Variants in RCAN2 observed in about 807,000 individuals in gnomAD.
RCAN2 encodes the protein calcipressin-2.
RCAN2 carries 9 observed loss-of-function variants against 23.6 expected under a neutral mutation model. The ratio of observed to expected loss-of-function variants is 0.38; its 90% CI spans 0.23 to 0.67. The LOEUF is 0.67. Among genes scored for constraint, RCAN2 ranks in the 30% least tolerant of loss-of-function variants. The pLI is 0.51. For synonymous variants in RCAN2, 109 were observed against 115.7 expected (o/e 0.94, Z 0.37); for missense variants, 273 against 302.3 (o/e 0.90, Z 0.72).
chr6:46,283,808 A>G (rs1356450695), intron 2 of RCAN2, among the ~76,000 whole-genome samples: 2 of 152,242 alleles, frequency 1.3e-5, no homozygotes, highest in Non-Finnish European at 2.9e-5. Context: ...ATAAGTATGA[A>G]TATTACAAAC....
rs1767401095 is a variant in RCAN2 at position 46,437,247 on chromosome 6, TGCC to T, written c.225+19502_225+19504del. 3.3e-5 allele frequency among the ~76,000 whole-genome samples: 5 copies of T among 152,344 alleles called. No homozygotes were observed. The East Asian group carries it at 5.8e-4, about 18-fold the overall frequency. On this transcript the variant is annotated intron_variant, in intron 2 of 4. Transcript: ENST00000371374. Reference sequence around the variant, plus strand: ...GCTTGCTCAATCCTTTTTAATGCCCTGCCATCAAGTTCCAATACAGTTTACAGT... The same window carrying T: ...GCTTGCTCAATCCTTTTTAATGCCCTATCAAGTTCCAATACAGTTTACAGT...
chr6:46,287,089 G>A (rs1263366997), intron 2 of RCAN2, among the ~76,000 whole-genome samples: 1 of 152,164 alleles, frequency 6.6e-6, no homozygotes, highest in African/African-American at 2.4e-5. Flanking sequence ...GGAAGTGACT[G>A]GCAGAGCCTG....
intron 2 of RCAN2, among the ~76,000 whole-genome samples, chr6:46,357,362 A>G (rs1418261002): frequency 3.3e-5 from 5 of 152,252 alleles, no homozygotes. Context: ...ATGATTCAAA[A>G]AAAGAGTCAC....
At chr6:46,380,290 A>G (rs1765584880) in intron 2 of RCAN2, among the ~76,000 whole-genome samples, 1 of 152,202 alleles carries the variant, frequency 6.6e-6, no homozygotes, top group South Asian at 2.1e-4. Context: ...AAGACTATAA[A>G]TAGTCTCACC....
intron 1 of RCAN2, among the ~76,000 whole-genome samples, chr6:46,470,482 T>G (rs181744332): frequency 1.3e-5 from 2 of 152,164 alleles, no homozygotes; most frequent in Non-Finnish European, 2.9e-5. Flanking sequence ...ATGAGAAACA[T>G]TATATTAGGC....
At chr6:46,365,112 T>C (rs1330872887) in intron 2 of RCAN2, among the ~76,000 whole-genome samples, 2 of 152,182 alleles carry the variant, frequency 1.3e-5, no homozygotes, top group South Asian at 4.1e-4. Flanking sequence ...GTAATAATAA[T>C]ATAAAGTACA....
intron 1 of RCAN2, among the ~76,000 whole-genome samples, chr6:46,466,085 G>A (rs1768372228): frequency 6.6e-6 from 1 of 152,122 alleles, no homozygotes; most frequent in Admixed American, 6.5e-5. Context: ...CGCCCCACCT[G>A]GAGACAGAAG....
At chr6:46,225,900 AG>A (rs1402167797) in intron 4 of RCAN2, among the ~76,000 whole-genome samples, 1 of 152,160 alleles carries the variant, frequency 6.6e-6, no homozygotes, top group Non-Finnish European at 1.5e-5. Flanking sequence ...GTTTTCTTCT[AG>A]GGTTTTTATG....
chr6:46,491,550 C>T (rs1338760863), upstream of RCAN2, among the ~76,000 whole-genome samples: 1 of 152,022 alleles, frequency 6.6e-6, no homozygotes, highest in Non-Finnish European at 1.5e-5. Context: ...CCAGGGAAAC[C>T]GAAAGCCCCT....
chr6:46,429,925 G>A (rs1170599848), intron 2 of RCAN2, among the ~76,000 whole-genome samples: 1 of 152,156 alleles, frequency 6.6e-6, no homozygotes, highest in Non-Finnish European at 1.5e-5. Context: ...GACAACAGTT[G>A]TAAACTCAAA....
chr6:46,413,814 T>C (rs1174731500), intron 2 of RCAN2, among the ~76,000 whole-genome samples: 1 of 152,174 alleles, frequency 6.6e-6, no homozygotes, highest in Non-Finnish European at 1.5e-5. Context: ...CCCTGACAGA[T>C]TGAAAGATGA....
intron 2 of RCAN2, among the ~76,000 whole-genome samples, chr6:46,372,015 G>C (rs958765658): frequency 2.1e-4 from 32 of 152,158 alleles, no homozygotes; most frequent in Non-Finnish European, 3.4e-4. Flanking sequence ...GAAACCAAAT[G>C]GGCTGAACCA....
At chr6:46,488,568 T>A (rs538128175) in intron 1 of RCAN2, among the ~76,000 whole-genome samples, 1 of 152,252 alleles carries the variant, frequency 6.6e-6, no homozygotes, top group Non-Finnish European at 1.5e-5. Context: ...GTCTCAGAAA[T>A]GAAGAGAAGT....
chr6:46,461,556 C>T (rs185804591), intron 1 of RCAN2, among the ~76,000 whole-genome samples: 4 of 151,744 alleles, frequency 2.6e-5, no homozygotes, highest in Admixed American at 2.6e-4. Context: ...AAATAGGGGG[C>T]CTTCTGGGCT....
chr6:46,481,656 T>C (rs570099309), intron 1 of RCAN2, among the ~76,000 whole-genome samples: 1 of 152,344 alleles, frequency 6.6e-6, no homozygotes, highest in Non-Finnish European at 1.5e-5. Flanking sequence ...GGTTCATTAT[T>C]TATTAGAATA....
intron 2 of RCAN2, among the ~76,000 whole-genome samples, chr6:46,322,117 TG>T (rs1366715333): frequency 1.3e-5 from 2 of 152,228 alleles, no homozygotes; most frequent in Non-Finnish European, 2.9e-5. Context: ...TAAAGTGAAA[TG>T]TAAATTTCGT....
chr6:46,397,281 G>A (rs1164376680), intron 2 of RCAN2, among the ~76,000 whole-genome samples: 1 of 151,910 alleles, frequency 6.6e-6, no homozygotes, highest in Admixed American at 6.6e-5. Context: ...TACCATAGGG[G>A]AGTTCCCACG....
intron 2 of RCAN2, among the ~76,000 whole-genome samples, chr6:46,431,959 C>A (rs1231940749): frequency 6.6e-6 from 1 of 152,110 alleles, no homozygotes; most frequent in African/African-American, 2.4e-5. Flanking sequence ...CAATTCCATT[C>A]AAAATTGGAT....
intron 2 of RCAN2, chr6:46,325,673 G>T (rs1270041024): frequency 2.2e-6 from 3 of 1,384,606 alleles, no homozygotes; most frequent in African/African-American, 1.5e-5. Context: ...GCAGAGTAAC[G>T]AACGGCCCGG....
Sources: gnomAD v4.1 joint callset for allele counts (sites outside exome capture counted in the v4.1 genomes callset) on GRCh38, gnomAD v4.1.1 for gene constraint, MANE v1.5 for transcripts, NCBI Gene and HGNC (gene_info 2026-07-23, HGNC 2026-07-21) for gene names.